SARNP: variants seen among roughly 807,000 people sequenced by gnomAD.
SARNP encodes the protein SAP domain-containing ribonucleoprotein.
SARNP carries 5 observed loss-of-function variants against 38.1 expected under a neutral mutation model. That is an observed-to-expected ratio of 0.13 (90% CI 0.07 to 0.28). SARNP has a LOEUF of 0.28. Ranked by LOEUF, SARNP falls within the 10% of genes least tolerant of loss-of-function variation. The pLI, the probability that SARNP is intolerant of heterozygous loss-of-function variation, is 1.00. For missense variants in SARNP, 180 were observed against 243.9 expected (o/e 0.74, Z 1.75); for synonymous variants, 84 against 80.6 (o/e 1.04, Z -0.23).
chr12:55,794,224 G>T, intron 7 of SARNP, 135 bp downstream of exon 7: 1 of 784,800 alleles, frequency 1.3e-6, no homozygotes. Context: ...ACCTAAAGCA[G>T]GAGATGAATG....
intron 1 of SARNP, among the ~76,000 whole-genome samples, 169 bp downstream of exon 1, chr12:55,817,497 G>C (rs1212393358): frequency 6.6e-6 from 1 of 152,254 alleles, no homozygotes; most frequent in African/African-American, 2.4e-5. Flanking sequence ...GGAGAAATGG[G>C]AAATTAGGGA....
chr12:55,768,131 T>C (rs1421884425), intron 9 of SARNP, among the ~76,000 whole-genome samples: 1 of 151,978 alleles, frequency 6.6e-6, no homozygotes, highest in African/African-American at 2.4e-5. Context: ...CTCTCTTATT[T>C]ATTTATTTAT....
At chr12:55,805,597 A>G (rs1880114453) in intron 1 of SARNP, among the ~76,000 whole-genome samples, 1 of 152,226 alleles carries the variant, frequency 6.6e-6, no homozygotes, top group African/African-American at 2.4e-5. Context: ...CTGTAATCCC[A>G]GCACTTTGGG....
chr12:55,769,598 C>T (rs1357991083), intron 9 of SARNP, among the ~76,000 whole-genome samples: 1 of 152,196 alleles, frequency 6.6e-6, no homozygotes, highest in Non-Finnish European at 1.5e-5. Flanking sequence ...AAGTTTGGAG[C>T]CAAATGTGTG....
intron 4 of SARNP, among the ~76,000 whole-genome samples, chr12:55,799,536 A>G (rs1452857990): frequency 2.3e-5 from 3 of 131,370 alleles, no homozygotes; most frequent in African/African-American, 5.8e-5. Context: ...CCCTTACAAA[A>G]CTCCTTTATA....
chr12:55,805,002 G>A (rs952895848), intron 1 of SARNP, among the ~76,000 whole-genome samples: 5 of 152,206 alleles, frequency 3.3e-5, no homozygotes, highest in Admixed American at 2.6e-4. Flanking sequence ...GGTGGCTCAC[G>A]CCTGTAATCC....
intron 9 of SARNP, among the ~76,000 whole-genome samples, chr12:55,774,368 T>C (rs1271168118): frequency 6.6e-6 from 1 of 151,754 alleles, no homozygotes; most frequent in African/African-American, 2.4e-5. Flanking sequence ...ATATGCAAAT[T>C]CTGTAACTGA....
intron 1 of SARNP, among the ~76,000 whole-genome samples, chr12:55,810,445 C>A (rs901434955): frequency 2.7e-5 from 4 of 150,338 alleles, no homozygotes; most frequent in Non-Finnish European, 4.4e-5. Flanking sequence ...AGTTAACTGA[C>A]CTTGAATTTT....
chr12:55,806,070 C>T (rs1592581174), intron 1 of SARNP, among the ~76,000 whole-genome samples: 1 of 150,870 alleles, frequency 6.6e-6, no homozygotes. Context: ...AAGGCTTTTG[C>T]CAGTTTTAAA....
chr12:55,805,385 T>C (rs1222211264), intron 1 of SARNP, among the ~76,000 whole-genome samples: 1 of 152,120 alleles, frequency 6.6e-6, no homozygotes, highest in Admixed American at 6.6e-5. Flanking sequence ...AAGCAACCTC[T>C]ACTGAGGAAC....
intron 5 of SARNP, 117 bp from the exon 6 acceptor site, chr12:55,794,997 T>C (rs564126625): frequency 2.7e-5 from 16 of 588,776 alleles, no homozygotes; most frequent in Admixed American, 1.7e-4. Flanking sequence ...TCTCACTCTG[T>C]CCCCCAGCCT....
intron 1 of SARNP, among the ~76,000 whole-genome samples, chr12:55,809,105 C>T (rs1880246897): frequency 6.6e-6 from 1 of 152,038 alleles, no homozygotes. Flanking sequence ...ACTTGAGGGG[C>T]TAAAGCTGGA....
In SARNP at chr12:55,774,558, T is replaced by TAAAAAAAA. The variant is rs1565673497; in HGVS notation, c.502-13919_502-13918insTTTTTTTT. 5.9e-3 allele frequency among the ~76,000 whole-genome samples: 239 copies of TAAAAAAAA among 40,500 alleles called. 25 individuals carry two copies. The highest frequency in any genetic ancestry group is 0.018 in the Middle Eastern group (1 of 56). 26.6% of individuals were successfully genotyped at this position (40,500 alleles called of 152,430 possible). ...CGACACGGTGAAACCCCGTCTCTAC[T>TAAAAAAAA]GAAAAAAAAAAAAAAACAAACAAAA... On this transcript the variant is annotated intron_variant, in intron 9 of 10. Coordinates refer to ENST00000336133, the MANE Select transcript of SARNP (RefSeq NM_033082.4).
At chr12:55,787,797 G>A (rs1253735734) in intron 9 of SARNP, among the ~76,000 whole-genome samples, 1 of 150,716 alleles carries the variant, frequency 6.6e-6, no homozygotes, top group Non-Finnish European at 1.5e-5. Context: ...CGCCCAGGCT[G>A]GAGTGCAGTG....
chr12:55,789,630 T>C (rs1405866831), intron 8 of SARNP, among the ~76,000 whole-genome samples: 1 of 152,156 alleles, frequency 6.6e-6, no homozygotes, highest in Non-Finnish European at 1.5e-5. Context: ...CCTTGGTACA[T>C]GGACTTGCTA....
intron 1 of SARNP, among the ~76,000 whole-genome samples, chr12:55,814,576 T>C (rs924675496): frequency 5.3e-5 from 8 of 152,140 alleles, no homozygotes; most frequent in Non-Finnish European, 1.2e-4. Flanking sequence ...TCTTTCCAAA[T>C]GTGTTAGTAT....
chr12:55,787,241 T>TAAAAAAAAAAA, intron 9 of SARNP, among the ~76,000 whole-genome samples: 1 of 103,468 alleles, frequency 9.7e-6, no homozygotes, highest in Admixed American at 9.3e-5. Context: ...CAAAAAAGAC[T>TAAAAAAAAAAA]AAAAAAAAAA....
chr12:55,793,933 A>C (rs1229631937), intron 7 of SARNP: 2 of 179,894 alleles, frequency 1.1e-5, no homozygotes, highest in African/African-American at 4.8e-5. Context: ...CCTGAGGCTA[A>C]GTCTTTATGC....
intron 9 of SARNP, among the ~76,000 whole-genome samples, chr12:55,764,187 T>C (rs1878757310): frequency 6.6e-6 from 1 of 152,166 alleles, no homozygotes. Flanking sequence ...CTAAATCTGG[T>C]TCTAATTTTG....
Sources: gnomAD v4.1 joint callset for allele counts (sites outside exome capture counted in the v4.1 genomes callset) on GRCh38, gnomAD v4.1.1 for gene constraint, MANE v1.5 for transcripts, NCBI Gene and HGNC (gene_info 2026-07-23, HGNC 2026-07-21) for gene names.